Variants in PLCXD3 observed in about 807,000 individuals in gnomAD.
PLCXD3 encodes the protein phosphatidylinositol specific phospholipase C X domain containing 3, also known as PI-PLC X domain-containing protein 3.
PLCXD3 carries 19 observed loss-of-function variants against 25.5 expected under a neutral mutation model. The observed-to-expected ratio is 0.75, with a 90% CI of 0.52 to 1.09. PLCXD3 has a LOEUF of 1.09. PLCXD3 is among the 50% of genes least tolerant of loss of function. The probability of loss-of-function intolerance (pLI) is 0.00; values close to 1 mark genes in which losing one functional copy is unlikely to be tolerated. For synonymous variants in PLCXD3, 174 were observed against 137.6 expected (o/e 1.26, Z -1.85); for missense variants, 411 against 388.1 (o/e 1.06, Z -0.50).
intron 1 of PLCXD3, among the ~76,000 whole-genome samples, chr5:41,496,211 G>A (rs1209147298): frequency 6.6e-6 from 1 of 151,792 alleles, no homozygotes; most frequent in African/African-American, 2.4e-5. Flanking sequence ...AAATCCTTAA[G>A]GATTTATGGA....
At chr5:41,329,002 A>G (rs1743711898) in intron 2 of PLCXD3, among the ~76,000 whole-genome samples, 1 of 152,196 alleles carries the variant, frequency 6.6e-6, no homozygotes, top group Non-Finnish European at 1.5e-5. Flanking sequence ...AATGGCCACT[A>G]GAGGTTTCTT....
chr5:41,505,562 G>C lies in PLCXD3; in HGVS notation c.103+4862C>G, dbSNP rs189531346. 4.6e-4 allele frequency among the ~76,000 whole-genome samples: 70 copies of C among 152,236 alleles called. 1 individual carries two copies. The highest frequency in any genetic ancestry group is 4.6e-3 in the Admixed American group (70 of 15,290). On this transcript the variant is annotated intron_variant, in intron 1 of 2. Transcript: ENST00000377801. ...CTGCAACTTATAACAGAAGGAGCTG[G>C]TCCTGTGCACCACAAAGAGTGACTT...
chr5:41,469,657 G>C (rs1374865796), intron 1 of PLCXD3, among the ~76,000 whole-genome samples: 1 of 152,060 alleles, frequency 6.6e-6, no homozygotes, highest in Non-Finnish European at 1.5e-5. Flanking sequence ...GTTTGTAGTA[G>C]TTTTATGATC....
intron 2 of PLCXD3, among the ~76,000 whole-genome samples, chr5:41,330,897 C>T (rs543487688): frequency 6.6e-6 from 1 of 152,096 alleles, no homozygotes; most frequent in Admixed American, 6.6e-5. Context: ...ATTCAACAAC[C>T]CTTCATGCTA....
intron 1 of PLCXD3, among the ~76,000 whole-genome samples, chr5:41,474,316 G>T (rs529715956): frequency 1.1e-4 from 16 of 152,288 alleles, no homozygotes; most frequent in African/African-American, 3.6e-4. Context: ...AAGAAACACT[G>T]TGCTTGGGGT....
chr5:41,412,575 T>C lies in PLCXD3; in HGVS notation c.104-30041A>G, dbSNP rs1746585930. Among the ~76,000 whole-genome samples, 4 of 152,310 alleles carry C rather than the reference T, an allele frequency of 2.6e-5. No individual in the cohort carries two copies. The South Asian group carries it at 8.3e-4, about 32-fold the overall frequency. ...GAAATTACAGTGGCAATGTGCTCCT[T>C]TGCCACTCGCCCTTGATAATGACCT... On this transcript the variant is annotated intron_variant, in intron 1 of 2. Coordinates refer to ENST00000377801, the MANE Select transcript of PLCXD3 (RefSeq NM_001005473.3).
intron 1 of PLCXD3, among the ~76,000 whole-genome samples, chr5:41,463,815 C>T (rs1747948594): frequency 6.6e-6 from 1 of 151,840 alleles, no homozygotes; most frequent in Non-Finnish European, 1.5e-5. Context: ...ATGGCCTTTA[C>T]CTTCCTTGTT....
chr5:41,446,176 CAA>C (rs70988847), intron 1 of PLCXD3, among the ~76,000 whole-genome samples: 878 of 38,068 alleles, frequency 0.023, 13 homozygotes, highest in African/African-American at 0.061. Flanking sequence ...GACTCCTTCT[CAA>C]AAAAAAAAAA....
At chr5:41,491,878 CTCTT>C (rs745528846) in intron 1 of PLCXD3, among the ~76,000 whole-genome samples, 7 of 152,104 alleles carry the variant, frequency 4.6e-5, no homozygotes, top group Non-Finnish European at 8.8e-5. Flanking sequence ...TGGGTCTTGA[CTCTT>C]TATCGCATTT....
chr5:41,433,206 C>A (rs1321906560), intron 1 of PLCXD3, among the ~76,000 whole-genome samples: 1 of 152,176 alleles, frequency 6.6e-6, no homozygotes, highest in African/African-American at 2.4e-5. Flanking sequence ...TACTTACCAA[C>A]TGGGTAGCCT....
chr5:41,408,299 ATCT>A (rs1418045796), intron 1 of PLCXD3, among the ~76,000 whole-genome samples: 4 of 152,212 alleles, frequency 2.6e-5, no homozygotes, highest in Admixed American at 2.6e-4. Context: ...TAATACAGAC[ATCT>A]TCTTGCTCAT....
At chr5:41,406,970 T>TCTA (rs1746370982) in intron 1 of PLCXD3, among the ~76,000 whole-genome samples, 1 of 152,210 alleles carries the variant, frequency 6.6e-6, no homozygotes, top group Non-Finnish European at 1.5e-5. Flanking sequence ...TTTATAGCCC[T>TCTA]CTACCACCCT....
chr5:41,397,323 G>A (rs1163619869), intron 1 of PLCXD3, among the ~76,000 whole-genome samples: 1 of 152,204 alleles, frequency 6.6e-6, no homozygotes, highest in Non-Finnish European at 1.5e-5. Flanking sequence ...GTTACAAGGG[G>A]CCTAGGTACA....
chr5:41,350,683 T>A (rs534166481), intron 2 of PLCXD3, among the ~76,000 whole-genome samples: 4 of 152,170 alleles, frequency 2.6e-5, no homozygotes, highest in African/African-American at 9.6e-5. Flanking sequence ...TCAAGAAAAA[T>A]TTCCCGAGTG....
chr5:41,452,842 A>G (rs552535823), intron 1 of PLCXD3, among the ~76,000 whole-genome samples: 15 of 152,044 alleles, frequency 9.9e-5, no homozygotes, highest in African/African-American at 3.4e-4. Context: ...ACGGTACCAC[A>G]TTCCATTATC....
Position 41,468,387 on chromosome 5 carries a change from G to A in PLCXD3, c.103+42037C>T, listed in dbSNP as rs1399261290. 3.3e-5 allele frequency among the ~76,000 whole-genome samples: 5 copies of A among 152,078 alleles called. No individual in the cohort carries two copies. The East Asian group carries it at 9.7e-4, about 29-fold the overall frequency. ...TTTTTGTGGTTCCATGCAAATTTAA[G>A]GACATTTCTCCATTTCTATGAAAAA... On this transcript the variant is annotated intron_variant, in intron 1 of 2. Coordinates refer to ENST00000377801, the MANE Select transcript of PLCXD3 (RefSeq NM_001005473.3).
chr5:41,387,145 G>A (rs1554046798), intron 1 of PLCXD3, among the ~76,000 whole-genome samples: 1 of 152,036 alleles, frequency 6.6e-6, no homozygotes, highest in Non-Finnish European at 1.5e-5. Flanking sequence ...AGATGAAAGG[G>A]AAAAGGTTTT....
intron 2 of PLCXD3, among the ~76,000 whole-genome samples, chr5:41,371,107 C>T (rs1745081632): frequency 6.6e-6 from 1 of 152,122 alleles, no homozygotes; most frequent in Non-Finnish European, 1.5e-5. Flanking sequence ...ATTATCAACT[C>T]TTTGATTTGC....
chr5:41,368,268 GTCATAATTTGGCTCTATATTTGGTTCAT>G (rs1289892395), intron 2 of PLCXD3, among the ~76,000 whole-genome samples: 1 of 152,000 alleles, frequency 6.6e-6, no homozygotes, highest in African/African-American at 2.4e-5. Flanking sequence ...ATTTGGTTCA[GTCATAATTTGGCTCTATATTTGGTTCAT>G]TCATAATTTG....
Sources: allele counts gnomAD v4.1 joint callset (sites outside exome capture counted in the v4.1 genomes callset), GRCh38; gene constraint gnomAD v4.1.1; transcripts MANE v1.5; gene names NCBI Gene and HGNC (gene_info 2026-07-23, HGNC 2026-07-21).